The following PALS2 variants were observed in gnomAD, a reference collection of about 807,000 sequenced individuals.
PALS2 encodes protein PALS2.
Under a neutral mutation model 61.6 loss-of-function variants are expected in PALS2, and 27 were observed. The ratio of observed to expected loss-of-function variants is 0.44; its 90% CI spans 0.32 to 0.60. The LOEUF (loss-of-function observed/expected upper bound fraction) is 0.60, where lower values mean the gene tolerates loss of function less well. Ranked by LOEUF, PALS2 falls within the 20% of genes least tolerant of loss-of-function variation. PALS2 has a pLI of 0.05. For synonymous variants in PALS2, 236 were observed against 218.6 expected, an observed-to-expected ratio of 1.08 and a Z score of -0.70; for missense variants, 554 against 639.4, an observed-to-expected ratio of 0.87 and a Z score of 1.44.
intron 1 of PALS2, among the ~76,000 whole-genome samples, chr7:24,620,966 A>G (rs1784477843): frequency 1.3e-5 from 2 of 152,170 alleles, no homozygotes; most frequent in African/African-American, 4.8e-5. Context: ...AAAGCTAAAA[A>G]TAAAAACAAA....
At chr7:24,626,785 A>G (rs141725981) in intron 2 of PALS2, among the ~76,000 whole-genome samples, 59 of 152,342 alleles carry the variant, frequency 3.9e-4, no homozygotes, top group African/African-American at 1.1e-3. Flanking sequence ...AGGGCATTAC[A>G]TAATGGTAAA....
chr7:24,677,305 C>T lies in PALS2; in HGVS notation c.1115-1826C>T, dbSNP rs1163571559. ...ATGGGGTTTTCTAGATATACAATCA[C>T]GTCATCTGCAAACAGGGACAATTTG... is the stretch of plus-strand genomic sequence containing the variant. On this transcript the variant is annotated intron_variant, in intron 9 of 11. Coordinates refer to ENST00000222644, the MANE Select transcript of PALS2 (RefSeq NM_001303037.2). 4.9e-3 allele frequency among the ~76,000 whole-genome samples: 743 copies of T among 152,028 alleles called. 4 individuals carry two copies. The highest frequency in any genetic ancestry group is 7.7e-3 in the Non-Finnish European group (523 of 67,952).
intron 1 of PALS2, among the ~76,000 whole-genome samples, chr7:24,611,208 A>C (rs1235028178): frequency 6.6e-6 from 1 of 152,146 alleles, no homozygotes; most frequent in Admixed American, 6.6e-5. Flanking sequence ...TTTCCTTAAC[A>C]TAATAAACTG....
intron 1 of PALS2, among the ~76,000 whole-genome samples, chr7:24,594,178 T>C (rs1360767723): frequency 6.6e-6 from 1 of 152,096 alleles, no homozygotes; most frequent in East Asian, 1.9e-4. Flanking sequence ...AGTTTCAGAC[T>C]TTTTTCCAGT....
At chr7:24,641,007 CAAAAA>C (rs35912373) in intron 2 of PALS2, among the ~76,000 whole-genome samples, 4 of 67,086 alleles carry the variant, frequency 6.0e-5, no homozygotes, top group South Asian at 7.6e-4. Context: ...GACTCCATCT[CAAAAA>C]AAAAAAAAAA....
intron 1 of PALS2, among the ~76,000 whole-genome samples, chr7:24,593,084 C>T (rs944511294): frequency 2.0e-5 from 3 of 152,064 alleles, no homozygotes; most frequent in Non-Finnish European, 4.4e-5. Context: ...GCTACTTTAC[C>T]AGCTAAACTT....
chr7:24,604,839 TGG>T (rs1195910054), intron 1 of PALS2, among the ~76,000 whole-genome samples: 1 of 152,148 alleles, frequency 6.6e-6, no homozygotes, highest in Non-Finnish European at 1.5e-5. Flanking sequence ...CATATGAATC[TGG>T]GAGGGACACA....
At chr7:24,612,800 A>G (rs1784160738) in intron 1 of PALS2, among the ~76,000 whole-genome samples, 1 of 151,850 alleles carries the variant, frequency 6.6e-6, no homozygotes, top group Admixed American at 6.6e-5. Flanking sequence ...TGCATTTCTT[A>G]AAATGCTATG....
intron 3 of PALS2, among the ~76,000 whole-genome samples, chr7:24,646,846 G>T (rs1370606844): frequency 1.3e-5 from 2 of 152,086 alleles, no homozygotes; most frequent in African/African-American, 2.4e-5. Context: ...ATTGGTCTAT[G>T]CAGGGAATCA....
intron 11 of PALS2, among the ~76,000 whole-genome samples, chr7:24,682,812 A>T (rs1319062340): frequency 6.6e-6 from 1 of 152,048 alleles, no homozygotes; most frequent in Non-Finnish European, 1.5e-5. Flanking sequence ...ATAATAAGTC[A>T]CTTATCCTAC....
chr7:24,654,925 A>G (rs1786338740), intron 5 of PALS2, among the ~76,000 whole-genome samples: 1 of 152,194 alleles, frequency 6.6e-6, no homozygotes, highest in African/African-American at 2.4e-5. Context: ...TCAATGTGGA[A>G]AGGAGATGAT....
Position 24,688,751 on chromosome 7 carries a change from TATATA to T in PALS2, c.*1143_*1147del, listed in dbSNP as rs1363666467. ...ATTATATAATATGTATATTATGTAT[TATATA>T]ATATATATAAAATGTTTTGTATATT... is the stretch of plus-strand genomic sequence containing the variant. On this transcript the variant is annotated 3_prime_UTR_variant, in exon 12 of 12. Transcript: ENST00000222644. 3.3e-5 allele frequency: 5 copies of T among 149,522 alleles called. No individual in the cohort carries two copies. Among genetic ancestry groups the T allele is most frequent in the East Asian group, 3.9e-4 (2 of 5,148 alleles). 9.3% of individuals were successfully genotyped at this position (149,522 alleles called of 1,614,324 possible).
intron 2 of PALS2, among the ~76,000 whole-genome samples, chr7:24,626,766 A>G (rs907030397): frequency 6.6e-6 from 1 of 152,210 alleles, no homozygotes; most frequent in African/African-American, 2.4e-5. Flanking sequence ...ACAAAGATCA[A>G]AAAAGACAAG....
chr7:24,625,862 T>C (rs1263974971), intron 2 of PALS2, among the ~76,000 whole-genome samples: 1 of 151,992 alleles, frequency 6.6e-6, no homozygotes, highest in Non-Finnish European at 1.5e-5. Flanking sequence ...TCCTATAATA[T>C]AGGTTAAAAA....
chr7:24,619,717 C>CA lies in PALS2; in HGVS notation c.-2-3931dup, dbSNP rs11366774. On this transcript the variant is annotated intron_variant, in intron 1 of 11. Transcript: ENST00000222644. ...TGGGCAACAGAGCGAGACTCTGTCT[C>CA]AAAAAAAAAAAAAAAAAAGAAAGAA... Among the ~76,000 whole-genome samples the CA allele has an allele frequency of 7.9e-3, 800 of 101,768 alleles. 3 individuals carry two copies. Among genetic ancestry groups the CA allele is most frequent in the Middle Eastern group, 0.035 (8 of 230 alleles). 66.8% of individuals were successfully genotyped at this position (101,768 alleles called of 152,430 possible). A position where few individuals can be genotyped will look rare whatever the true frequency, so the allele number is the denominator to read the frequency against.
At chr7:24,601,659 G>T (rs55898213) in intron 1 of PALS2, among the ~76,000 whole-genome samples, 5,906 of 152,034 alleles carry the variant, frequency 0.039, 154 homozygotes, top group Non-Finnish European at 0.058. Flanking sequence ...GAGGAAAAGT[G>T]TTTGTGGTAG....
At chr7:24,574,323 T>C (rs973894830) in intron 1 of PALS2, 3 of 152,252 alleles carry the variant, frequency 2.0e-5, no homozygotes, top group Admixed American at 6.5e-5. Flanking sequence ...TTTTTTATTT[T>C]GGCTGGGTGG....
intron 1 of PALS2, among the ~76,000 whole-genome samples, chr7:24,610,082 A>C (rs1312001349): frequency 6.6e-6 from 1 of 152,126 alleles, no homozygotes; most frequent in Non-Finnish European, 1.5e-5. Context: ...TCAAATAAAG[A>C]GTTAACTGCT....
chr7:24,666,466 A>G (rs1032554743), intron 8 of PALS2, among the ~76,000 whole-genome samples: 1 of 152,192 alleles, frequency 6.6e-6, no homozygotes, highest in East Asian at 1.9e-4. Context: ...TGTTTAGGGC[A>G]ACTGTATCCT....
Sources: allele counts gnomAD v4.1 joint callset (sites outside exome capture counted in the v4.1 genomes callset), GRCh38; gene constraint gnomAD v4.1.1; transcripts MANE v1.5; gene names NCBI Gene and HGNC (gene_info 2026-07-23, HGNC 2026-07-21).